HPS4: variants seen among roughly 807,000 people sequenced by gnomAD.
HPS4 encodes the protein HPS4 biogenesis of lysosomal organelles complex 3 subunit 2, also known as BLOC-3 complex member HPS4.
In HPS4, 44 loss-of-function variants were observed where a neutral mutation model predicts 70.3. That is an observed-to-expected ratio of 0.63 (90% confidence interval 0.49 to 0.80). HPS4 has a LOEUF of 0.80. HPS4 is among the 30% of genes least tolerant of loss of function. The probability of loss-of-function intolerance (pLI) is 0.00; values close to 1 mark genes in which losing one functional copy is unlikely to be tolerated. For missense variants in HPS4, 873 were observed against 884.4 expected (o/e 0.99, Z 0.16); for synonymous variants, 377 against 355.9 (o/e 1.06, Z -0.67).
chr22:26,481,625 TA>T, intron 2 of HPS4, 96 bp downstream of exon 2: 1 of 1,175,504 alleles, frequency 8.5e-7, no homozygotes, highest in Non-Finnish European at 1.3e-6. Context: ...GTTATGTTAA[TA>T]AAATTAACAC....
rs767195109 is a variant in HPS4 at position 26,473,371 on chromosome 22, C to G, written c.277-432G>C. Among the ~76,000 whole-genome samples the G allele has an allele frequency of 6.4e-4, 98 of 152,322 alleles. 1 individual carries two copies. Among genetic ancestry groups the G allele is most frequent in the South Asian group, 1.5e-3 (7 of 4,822 alleles). ...CTCAAACTCCTTCATGAATGGCCATCATGTTTCTCCAGCTGGATAGAGTGC... is the reference window on the plus strand; with the variant it reads ...CTCAAACTCCTTCATGAATGGCCATGATGTTTCTCCAGCTGGATAGAGTGC... On this transcript the variant is annotated intron_variant, in intron 4 of 13. Coordinates refer to ENST00000398145, the MANE Select transcript of HPS4 (RefSeq NM_022081.6).
chr22:26,446,994 G>A (rs557026038), downstream of HPS4, among the ~76,000 whole-genome samples: 1 of 152,320 alleles, frequency 6.6e-6, no homozygotes, highest in East Asian at 1.9e-4. Context: ...GCAAAGTGCT[G>A]GTATTACAGG....
At chr22:26,469,310 G>C (rs1441766149) in intron 7 of HPS4, among the ~76,000 whole-genome samples, 29 of 139,232 alleles carry the variant, frequency 2.1e-4, no homozygotes, top group African/African-American at 7.3e-4. Flanking sequence ...AAAATCAAAA[G>C]CTTGGCCAGG....
chr22:26,457,890 G>A lies in HPS4; in HGVS notation c.1924C>T (p.Gln642Ter). ...GTCATTTCATAAAGCGCGGGCAGCT[G>A]GGCAAATTCGCTATGCATCAGGCTG... ...AVSLMHSEFA[Q>*]LPALYEMTVR... Residue 642 changes from glutamine to a stop codon, truncating the protein, a stop_gained, in exon 13 of 14, where the codon CAG (glutamine) becomes TAG (stop). Coordinates refer to ENST00000398145, the MANE Select transcript of HPS4 (RefSeq NM_022081.6). LOFTEE classifies it high-confidence loss of function. 2 of 1,614,200 alleles carry A rather than the reference G, an allele frequency of 1.2e-6. No homozygotes were observed. The highest frequency in any genetic ancestry group is 1.3e-5 in the African/African-American group (1 of 75,068).
intron 11 of HPS4, among the ~76,000 whole-genome samples, chr22:26,459,193 T>A (rs1372929508): frequency 6.6e-6 from 1 of 152,210 alleles, no homozygotes; most frequent in Non-Finnish European, 1.5e-5. Context: ...CCTAGCACGG[T>A]CCTGGCTTTC....
intron 7 of HPS4, 117 bp from the exon 8 acceptor site, chr22:26,468,740 G>A (rs747564644): frequency 3.3e-6 from 3 of 900,066 alleles, no homozygotes; most frequent in Non-Finnish European, 5.4e-6. Flanking sequence ...TGGCTGGTGG[G>A]AGTTTCAACT....
At chr22:26,459,114 T>C (rs996193564) in intron 11 of HPS4, among the ~76,000 whole-genome samples, 1 of 152,232 alleles carries the variant, frequency 6.6e-6, no homozygotes, top group African/African-American at 2.4e-5. Flanking sequence ...CCATCCCGCA[T>C]TGTTTCTCAC....
downstream of HPS4, among the ~76,000 whole-genome samples, chr22:26,449,680 T>C (rs892407082): frequency 6.6e-6 from 1 of 152,192 alleles, no homozygotes; most frequent in South Asian, 2.1e-4. Context: ...GGCAACCTCA[T>C]GTGGGGCCCC....
intron 2 of HPS4, among the ~76,000 whole-genome samples, chr22:26,481,190 A>C (rs1271095963): frequency 1.3e-5 from 2 of 151,974 alleles, no homozygotes; most frequent in Non-Finnish European, 2.9e-5. Flanking sequence ...TTCCACATAA[A>C]TAATCAGTCA....
chr22:26,468,551 C>A lies in HPS4; in HGVS notation c.669G>T (p.Gln223His). ...VLLHRTAPQE[Q>H]RLPTGEDAPQ... Reference sequence around the variant, plus strand: ...GCCAGGTGGGTGGACTTTACAATACCTGCTCCTGAGGTGCTGTTCGGTGAA... The same window carrying A: ...GCCAGGTGGGTGGACTTTACAATACATGCTCCTGAGGTGCTGTTCGGTGAA... Residue 223 changes from glutamine (Q) to histidine (H), a missense_variant and splice_region_variant, in exon 8 of 14, where the codon CAG (glutamine) becomes CAT (histidine). Coordinates refer to ENST00000398145, the MANE Select transcript of HPS4 (RefSeq NM_022081.6). 1 of 1,613,804 alleles carries A rather than the reference C, an allele frequency of 6.2e-7. No homozygotes were observed.
At chr22:26,450,456 A>G (rs1174287459), downstream of HPS4, among the ~76,000 whole-genome samples, 1 of 152,024 alleles carries the variant, frequency 6.6e-6, no homozygotes, top group Non-Finnish European at 1.5e-5. Flanking sequence ...ACTTGCTACC[A>G]CCCTCTGTCG....
At chr22:26,471,091 G>T (rs2089729006) in intron 6 of HPS4, 4 of 535,274 alleles carry the variant, frequency 7.5e-6, no homozygotes, top group Admixed American at 2.9e-5. Context: ...TATTCAAAGG[G>T]GTCAAAGTAG....
chr22:26,471,041 T>C, intron 6 of HPS4: 1 of 799,402 alleles, frequency 1.3e-6, no homozygotes, highest in Non-Finnish European at 2.0e-6. Context: ...CAAGGAGGCC[T>C]GTCCAGAAGC....
chr22:26,464,268 GGGGGCTT>G lies in HPS4; in HGVS notation c.1355_1361del (p.Gln452ProfsTer21), dbSNP rs1431937883. On this transcript the variant is annotated frameshift_variant, in exon 11 of 14. Coordinates refer to ENST00000398145, the MANE Select transcript of HPS4 (RefSeq NM_022081.6). LOFTEE classifies it high-confidence loss of function. ...TGGGGAGAGGGTCTGCTCTGGGAAT[GGGGGCTT>G]GGCTGCTATGGCCAGGATGGTCTTC... 1 of 1,614,110 alleles carries G rather than the reference GGGGGCTT, an allele frequency of 6.2e-7. No homozygotes were observed. Among genetic ancestry groups the G allele is most frequent in the East Asian group, 2.2e-5 (1 of 44,874 alleles).
rs1475978853 is a variant in HPS4, at chr22:26,451,985, TACGCGCGCGCGC to T, written c.*1236_*1247del. On this transcript the variant is annotated 3_prime_UTR_variant, in exon 14 of 14. Coordinates refer to ENST00000398145, the MANE Select transcript of HPS4 (RefSeq NM_022081.6). The stretch of plus-strand genomic sequence containing the variant: ...AAGGAAAAGAGGGATGCGCCCACGT[TACGCGCGCGCGC>T]GCGCGCGCACACACACACACACACA... 1.5e-4 allele frequency: 8 copies of T among 53,540 alleles called. No individual in the cohort carries two copies. Among genetic ancestry groups the T allele is most frequent in the African/African-American group, 1.2e-3 (8 of 6,554 alleles). 3.3% of individuals were successfully genotyped at this position (53,540 alleles called of 1,614,324 possible).
chr22:26,466,002 A>G (rs1366213121), intron 9 of HPS4: 1 of 1,415,434 alleles, frequency 7.1e-7, no homozygotes. Context: ...GAAGTTAAGG[A>G]GGGTCTGAAA....
intron 1 of HPS4, chr22:26,482,961 T>C (rs2091440109): frequency 6.6e-6 from 1 of 152,278 alleles, no homozygotes; most frequent in Non-Finnish European, 1.5e-5. Context: ...TTACTGTCAC[T>C]TTCTCCAAGC....
chr22:26,478,840 C>T (rs1279321523), intron 3 of HPS4, among the ~76,000 whole-genome samples: 1 of 151,992 alleles, frequency 6.6e-6, no homozygotes, highest in Non-Finnish European at 1.5e-5. Flanking sequence ...CGTGCCACCA[C>T]GCCCAGCTAA....
chr22:26,448,385 A>C (rs1416755804), downstream of HPS4, among the ~76,000 whole-genome samples: 3 of 152,254 alleles, frequency 2.0e-5, no homozygotes, highest in Non-Finnish European at 4.4e-5. Context: ...ATTTGAACCC[A>C]GCTGTCTGAC....
Sources: gnomAD v4.1 joint callset for allele counts (sites outside exome capture counted in the v4.1 genomes callset) on GRCh38, gnomAD v4.1.1 for gene constraint, MANE v1.5 for transcripts, NCBI Gene and HGNC (gene_info 2026-07-23, HGNC 2026-07-21) for gene names.